The following SDK1 variants were observed in gnomAD, a reference collection of about 807,000 sequenced individuals.
The protein encoded by SDK1 is protein sidekick-1.
Under a neutral mutation model 245.5 loss-of-function variants are expected in SDK1, and 157 were observed. That is an observed-to-expected ratio of 0.64 (90% CI 0.56 to 0.73). SDK1 has a LOEUF of 0.73. SDK1 is among the 30% of genes least tolerant of loss of function. SDK1 has a pLI of 0.00. For synonymous variants in SDK1, 1,647 were observed against 1,278.5 expected, an observed-to-expected ratio of 1.29 and a Z score of -6.15; for missense variants, 3,583 against 3,002.3, an observed-to-expected ratio of 1.19 and a Z score of -4.52.
chr7:4,013,882 C>G (rs1477731850), intron 16 of SDK1, among the ~76,000 whole-genome samples: 1 of 152,206 alleles, frequency 6.6e-6, no homozygotes, highest in East Asian at 1.9e-4. Context: ...AGTTCTGTCC[C>G]CTCGGGGTGG....
chr7:3,411,387 A>G (rs756459610), intron 1 of SDK1, among the ~76,000 whole-genome samples: 1 of 152,214 alleles, frequency 6.6e-6, no homozygotes, highest in Non-Finnish European at 1.5e-5. Context: ...CTACACATAC[A>G]GTTATAAGAA....
At chr7:3,359,993 A>T (rs1780910248) in intron 1 of SDK1, among the ~76,000 whole-genome samples, 3 of 152,164 alleles carry the variant, frequency 2.0e-5, no homozygotes, top group Admixed American at 6.5e-5. Flanking sequence ...TTGTAAGCAA[A>T]ATATTACAAC....
intron 4 of SDK1, among the ~76,000 whole-genome samples, chr7:3,791,166 A>AAC (rs928114629): frequency 1.1e-4 from 15 of 140,320 alleles, no homozygotes; most frequent in Admixed American, 2.8e-4. Flanking sequence ...TAAAAACAAC[A>AAC]AAAAAAAAAA....
intron 44 of SDK1, among the ~76,000 whole-genome samples, chr7:4,255,716 C>T (rs1465598583): frequency 1.3e-5 from 2 of 152,260 alleles, no homozygotes; most frequent in South Asian, 2.1e-4. Context: ...AGTTAAATTC[C>T]TAAACCAGCA....
rs144726310 is a variant in SDK1 at position 4,040,307 on chromosome 7, C to A, written c.2603-9041C>A. ...CACTTAGGTTCCCCCACCGTGGTTG[C>A]ATGCTTGGTTCATCTGAGTGTGCTC... On this transcript the variant is annotated intron_variant, in intron 17 of 44. Coordinates refer to ENST00000404826, the MANE Select transcript of SDK1 (RefSeq NM_152744.4). Among the ~76,000 whole-genome samples, 603 of 152,298 alleles carry A rather than the reference C, an allele frequency of 4.0e-3. 8 individuals are homozygous for A. Among genetic ancestry groups the A allele is most frequent in the Non-Finnish European group, 4.4e-3 (298 of 68,030 alleles).
intron 1 of SDK1, among the ~76,000 whole-genome samples, chr7:3,555,337 C>T (rs534741192): frequency 1.3e-5 from 2 of 152,228 alleles, no homozygotes; most frequent in African/African-American, 2.4e-5. Flanking sequence ...GGGGAAAGGA[C>T]ACTCTTTTCA....
At chr7:3,302,568 C>G (rs1368314720) in intron 1 of SDK1, 2 of 151,962 alleles carry the variant, frequency 1.3e-5, no homozygotes, top group Non-Finnish European at 2.9e-5. Flanking sequence ...GAGATGGGAT[C>G]TCTTGTGAAA....
At chr7:4,229,217 C>G (rs939472571) in intron 40 of SDK1, among the ~76,000 whole-genome samples, 3 of 152,088 alleles carry the variant, frequency 2.0e-5, no homozygotes, top group Admixed American at 2.0e-4. Flanking sequence ...GGACGCCTTA[C>G]CAGCTGCCAA....
At chr7:4,045,723 A>G (rs1461824983) in intron 17 of SDK1, among the ~76,000 whole-genome samples, 2 of 152,142 alleles carry the variant, frequency 1.3e-5, no homozygotes, top group African/African-American at 4.8e-5. Flanking sequence ...GGCACTCCAC[A>G]TCTTCACGGA....
At chr7:3,368,372 G>C (rs983636749) in intron 1 of SDK1, among the ~76,000 whole-genome samples, 4 of 152,128 alleles carry the variant, frequency 2.6e-5, no homozygotes, top group Non-Finnish European at 4.4e-5. Flanking sequence ...ATTATCTTTT[G>C]TCCATCATAC....
intron 1 of SDK1, among the ~76,000 whole-genome samples, chr7:3,465,773 T>G (rs1780980577): frequency 6.6e-6 from 1 of 152,188 alleles, no homozygotes; most frequent in African/African-American, 2.4e-5. Flanking sequence ...GTTGGTGTTC[T>G]CTGAATGGCT....
intron 4 of SDK1, among the ~76,000 whole-genome samples, chr7:3,729,723 T>C (rs1779120151): frequency 6.6e-6 from 1 of 152,176 alleles, no homozygotes; most frequent in Admixed American, 6.5e-5. Flanking sequence ...GAGTCTAACT[T>C]CTAGATCAGT....
intron 1 of SDK1, among the ~76,000 whole-genome samples, chr7:3,558,762 C>G (rs1013346222): frequency 2.0e-5 from 3 of 152,182 alleles, no homozygotes; most frequent in East Asian, 1.9e-4. Context: ...CTTAATTGTT[C>G]AGTTTTTTAA....
At chr7:3,899,860 T>A (rs1447081852) in intron 5 of SDK1, among the ~76,000 whole-genome samples, 1 of 152,252 alleles carries the variant, frequency 6.6e-6, no homozygotes, top group Non-Finnish European at 1.5e-5. Context: ...AAGTGCTTTG[T>A]CCCTGCTTCC....
At chr7:3,460,300 C>G (rs76674945) in intron 1 of SDK1, among the ~76,000 whole-genome samples, 1 of 152,196 alleles carries the variant, frequency 6.6e-6, no homozygotes, top group African/African-American at 2.4e-5. Context: ...TAAGGATGCT[C>G]TGAGAAAGAA....
At chr7:3,899,807 A>G (rs1206373437) in intron 5 of SDK1, among the ~76,000 whole-genome samples, 1 of 152,128 alleles carries the variant, frequency 6.6e-6, no homozygotes, top group Non-Finnish European at 1.5e-5. Context: ...ACACTCCTCT[A>G]TAGGGGGCGT....
chr7:3,682,205 A>C (rs536170836), intron 4 of SDK1, among the ~76,000 whole-genome samples: 25 of 152,286 alleles, frequency 1.6e-4, no homozygotes, highest in African/African-American at 4.3e-4. Flanking sequence ...GTATTATTAT[A>C]CCCATTTCAC....
chr7:4,193,286 A>G (rs1300783726), intron 35 of SDK1, among the ~76,000 whole-genome samples: 1 of 135,594 alleles, frequency 7.4e-6, no homozygotes. Context: ...TAAAATACAT[A>G]TAAAATTACA....
intron 23 of SDK1, among the ~76,000 whole-genome samples, chr7:4,112,112 G>A (rs1315247151): frequency 6.6e-6 from 1 of 152,192 alleles, no homozygotes; most frequent in Non-Finnish European, 1.5e-5. Context: ...GGTGGTCAGG[G>A]CACAGCTTGC....
Sources: gnomAD v4.1 joint callset for allele counts (sites outside exome capture counted in the v4.1 genomes callset) on GRCh38, gnomAD v4.1.1 for gene constraint, MANE v1.5 for transcripts, NCBI Gene and HGNC (gene_info 2026-07-23, HGNC 2026-07-21) for gene names.